Variants in SLC9A9 observed in about 807,000 individuals in gnomAD.
SLC9A9 encodes the protein sodium/hydrogen exchanger 9.
Under a neutral mutation model 77.8 loss-of-function variants are expected in SLC9A9, and 62 were observed. The ratio of observed to expected loss-of-function variants is 0.80; its 90% confidence interval spans 0.65 to 0.98. The LOEUF is 0.98. Among genes scored for constraint, SLC9A9 ranks in the 50% least tolerant of loss-of-function variants. The probability of loss-of-function intolerance (pLI) is 0.00; values close to 1 mark genes in which losing one functional copy is unlikely to be tolerated. For missense variants in SLC9A9, 775 were observed against 774.9 expected (o/e 1.00, Z 0.00); for synonymous variants, 320 against 283.5 (o/e 1.13, Z -1.29).
At chr3:143,270,260 T>C (rs1267978650) in intron 14 of SLC9A9, among the ~76,000 whole-genome samples, 1 of 152,242 alleles carries the variant, frequency 6.6e-6, no homozygotes, top group East Asian at 1.9e-4. Flanking sequence ...TGAAAAGCTC[T>C]TGATGTTCTT....
At position 143,356,503 on chromosome 3, in the gene SLC9A9, A is replaced by G. The variant is rs143478826; in HGVS notation, c.1604+6981T>C. ...AAAAGTCACAAGAACACAGGAGTCC[A>G]GGAAGAAGCTGATGTTTTCTCCCAG... On this transcript the variant is annotated intron_variant, in intron 14 of 15. Transcript: ENST00000316549. 7.2e-4 allele frequency among the ~76,000 whole-genome samples: 110 copies of G among 152,326 alleles called. No individual in the cohort carries two copies. In the East Asian group the frequency reaches 0.015, roughly 21 times the overall value.
At chr3:143,342,935 A>C in intron 14 of SLC9A9, among the ~76,000 whole-genome samples, 1 of 152,220 alleles carries the variant, frequency 6.6e-6, no homozygotes, top group Non-Finnish European at 1.5e-5. Context: ...TTGTCAAAAC[A>C]ACCTCAAATG....
At chr3:143,381,562 C>A in intron 13 of SLC9A9, 1 of 168,406 alleles carries the variant, frequency 5.9e-6, no homozygotes, top group Non-Finnish European at 1.3e-5. Flanking sequence ...AAACAATTAC[C>A]CCAAAGGATT....
chr3:143,530,756 C>A (rs1576557254), intron 9 of SLC9A9, among the ~76,000 whole-genome samples: 1 of 152,202 alleles, frequency 6.6e-6, no homozygotes, highest in East Asian at 1.9e-4. Context: ...AGGGTTGGAT[C>A]TGGCTTCTCA....
chr3:143,812,000 T>C (rs566529870), intron 2 of SLC9A9, among the ~76,000 whole-genome samples: 1 of 152,116 alleles, frequency 6.6e-6, no homozygotes, highest in East Asian at 1.9e-4. Flanking sequence ...ATAGACAACG[T>C]TGGGTTCCTA....
chr3:143,429,587 T>A (rs541248066), intron 12 of SLC9A9, among the ~76,000 whole-genome samples: 2 of 152,334 alleles, frequency 1.3e-5, no homozygotes. Context: ...ACCAGACATG[T>A]CTCTGCTCTC....
Position 143,280,980 on chromosome 3 carries a change from T to C in SLC9A9, c.1605-12000A>G, listed in dbSNP as rs138094971. Among the ~76,000 whole-genome samples the C allele has an allele frequency of 2.0e-5, 3 of 152,366 alleles. No individual in the cohort carries two copies. The East Asian group carries it at 5.8e-4, about 29-fold the overall frequency. ...GTTCCATTCCATTTGTCTTCTACTC[T>C]GTTTATACTGGACATTGCTAGCTAG... On this transcript the variant is annotated intron_variant, in intron 14 of 15. Transcript: ENST00000316549.
In SLC9A9 at chr3:143,524,904, A is replaced by G. The variant is rs527623290; in HGVS notation, c.1089+27458T>C. On this transcript the variant is annotated intron_variant, in intron 9 of 15. Transcript: ENST00000316549. ...CTATTTCTCCTTCTGCTTTTCTGCCATGTTACGATGCCATAGCATGAAGCC... is the reference window on the plus strand; with the variant it reads ...CTATTTCTCCTTCTGCTTTTCTGCCGTGTTACGATGCCATAGCATGAAGCC... 1.2e-3 allele frequency among the ~76,000 whole-genome samples: 189 copies of G among 152,274 alleles called. 1 individual carries two copies. Among genetic ancestry groups the G allele is most frequent in the African/African-American group, 4.3e-3 (178 of 41,568 alleles).
At chr3:143,597,360 T>C (rs978989240) in intron 6 of SLC9A9, among the ~76,000 whole-genome samples, 8 of 152,202 alleles carry the variant, frequency 5.3e-5, no homozygotes, top group African/African-American at 1.9e-4. Flanking sequence ...GAGCCAAAGC[T>C]GTCCTTCTTG....
At chr3:143,677,823 CTTTTTTTTTTT>C (rs553429664) in intron 5 of SLC9A9, among the ~76,000 whole-genome samples, 1 of 110,270 alleles carries the variant, frequency 9.1e-6, no homozygotes, top group African/African-American at 3.4e-5. Context: ...TCTTCAGAGT[CTTTTTTTTTTT>C]TTTTTTTTTT....
chr3:143,672,540 T>C (rs2039174534), intron 5 of SLC9A9, among the ~76,000 whole-genome samples: 1 of 152,058 alleles, frequency 6.6e-6, no homozygotes, highest in African/African-American at 2.4e-5. Flanking sequence ...AAACCTGGAG[T>C]TCCACGATGA....
At chr3:143,727,032 G>GAA (rs35861985) in intron 4 of SLC9A9, among the ~76,000 whole-genome samples, 44 of 151,742 alleles carry the variant, frequency 2.9e-4, no homozygotes, top group African/African-American at 6.3e-4. Context: ...TTAGTAAATT[G>GAA]AAAAAAAATT....
At chr3:143,504,908 G>C (rs2035986339) in intron 9 of SLC9A9, among the ~76,000 whole-genome samples, 1 of 152,136 alleles carries the variant, frequency 6.6e-6, no homozygotes, top group Non-Finnish European at 1.5e-5. Context: ...AGACTAGGCA[G>C]CCTCCCCATT....
chr3:143,544,367 T>C (rs1229585278), intron 9 of SLC9A9, among the ~76,000 whole-genome samples: 4 of 152,032 alleles, frequency 2.6e-5, no homozygotes, highest in Non-Finnish European at 4.4e-5. Context: ...GCTGGGACTA[T>C]AGGCGCCTGC....
At chr3:143,668,303 G>A (rs2039103819) in intron 5 of SLC9A9, among the ~76,000 whole-genome samples, 1 of 139,892 alleles carries the variant, frequency 7.1e-6, no homozygotes, top group East Asian at 2.2e-4. Context: ...GACACAGGGT[G>A]GGGAACATCA....
chr3:143,309,947 T>C (rs80230507), intron 14 of SLC9A9, among the ~76,000 whole-genome samples: 2,802 of 152,338 alleles, frequency 0.018, 29 homozygotes, highest in Middle Eastern at 0.044. Flanking sequence ...TTTTCACTCA[T>C]GGAGCTCTGA....
chr3:143,374,922 G>A (rs2033147487), intron 13 of SLC9A9, among the ~76,000 whole-genome samples: 2 of 151,756 alleles, frequency 1.3e-5, no homozygotes, highest in Non-Finnish European at 2.9e-5. Context: ...CTTTCCCACT[G>A]CCCCAAACAC....
intron 11 of SLC9A9, among the ~76,000 whole-genome samples, chr3:143,483,123 A>T (rs974192857): frequency 6.6e-6 from 1 of 152,278 alleles, no homozygotes; most frequent in African/African-American, 2.4e-5. Context: ...TTCTCAAGAC[A>T]GAGGAGACAG....
chr3:143,540,904 A>T (rs1169423080), intron 9 of SLC9A9, among the ~76,000 whole-genome samples: 2 of 152,194 alleles, frequency 1.3e-5, no homozygotes, highest in African/African-American at 4.8e-5. Flanking sequence ...CCTGGGTAGG[A>T]TAGATGGTTT....
Sources: allele counts gnomAD v4.1 joint callset (sites outside exome capture counted in the v4.1 genomes callset), GRCh38; gene constraint gnomAD v4.1.1; transcripts MANE v1.5; gene names NCBI Gene and HGNC (gene_info 2026-07-23, HGNC 2026-07-21).